The following SEC24B variants were observed in gnomAD, a reference collection of about 807,000 sequenced individuals.
The protein encoded by SEC24B is SEC24 homolog B, COPII component, also known as protein transport protein Sec24B.
Under a neutral mutation model 142.8 loss-of-function variants are expected in SEC24B, and 45 were observed. The ratio of observed to expected loss-of-function variants is 0.32; its 90% confidence interval spans 0.25 to 0.40. The LOEUF (loss-of-function observed/expected upper bound fraction) is 0.40, where lower values mean the gene tolerates loss of function less well. Among genes scored for constraint, SEC24B ranks in the 10% least tolerant of loss-of-function variants. SEC24B has a pLI of 1.00. For synonymous variants in SEC24B, 574 were observed against 568.2 expected (o/e 1.01, Z -0.15); for missense variants, 1,409 against 1,526.8 (o/e 0.92, Z 1.29).
chr4:109,441,918 A>G (rs1728965345), intron 1 of SEC24B, among the ~76,000 whole-genome samples: 1 of 152,226 alleles, frequency 6.6e-6, no homozygotes, highest in South Asian at 2.1e-4. Flanking sequence ...TATGGAATGT[A>G]GGAGAGAAAG....
At chr4:109,440,806 G>C (rs1728864753) in intron 1 of SEC24B, among the ~76,000 whole-genome samples, 1 of 152,182 alleles carries the variant, frequency 6.6e-6, no homozygotes, top group East Asian at 1.9e-4. Context: ...TAGGCACTCA[G>C]TTAAGTGAAC....
rs576975989 is a variant in SEC24B, at chr4:109,496,463, C to T, written c.1488+1607C>T. On this transcript the variant is annotated intron_variant, in intron 6 of 23. Transcript: ENST00000265175. ...GTATTGCTACTTACAGAAAACTGTTCTCAGTTGACTAACCTTATAGAAATT... is the reference window on the plus strand; with the variant it reads ...GTATTGCTACTTACAGAAAACTGTTTTCAGTTGACTAACCTTATAGAAATT... 1.5e-4 allele frequency among the ~76,000 whole-genome samples: 23 copies of T among 151,920 alleles called. No individual in the cohort carries two copies. In the East Asian group the frequency reaches 4.2e-3, roughly 28 times the overall value.
In SEC24B at chr4:109,506,401, GC is replaced by G. The variant is rs774826655; in HGVS notation, c.1564del (p.Leu522Ter). On this transcript the variant is annotated frameshift_variant, in exon 7 of 24. Coordinates refer to ENST00000265175, the MANE Select transcript of SEC24B (RefSeq NM_006323.5). LOFTEE classifies it high-confidence loss of function. ...LSLQSSPQPESLRPVNLTQER... is the reference protein window; with the variant it reads ...LSLQSSPQPEXLRPVNLTQER... ...CTTCAGAGTTCTCCACAACCAGAAA[GC>G]CTGAGACCTGTAAACCTTACTCAGG... 1 of 1,611,072 alleles carries G rather than the reference GC, an allele frequency of 6.2e-7. No individual in the cohort carries two copies. The highest frequency in any genetic ancestry group is 8.5e-7 in the Non-Finnish European group (1 of 1,178,310).
chr4:109,504,576 G>A (rs1578922629), intron 6 of SEC24B, among the ~76,000 whole-genome samples: 1 of 151,904 alleles, frequency 6.6e-6, no homozygotes, highest in Admixed American at 6.6e-5. Context: ...TTATATTTAG[G>A]TGTATTACTT....
Position 109,433,895 on chromosome 4 carries a change from ACCCGGCCGCCAGCGCCCGGAT to A in SEC24B, c.31_51del (p.Ala11_Pro17del). 7.5e-7 allele frequency: 1 copy of A among 1,335,146 alleles called. No individual in the cohort carries two copies. The highest frequency in any genetic ancestry group is 9.6e-7 in the Non-Finnish European group (1 of 1,039,348). 82.7% of individuals were successfully genotyped at this position (1,335,146 alleles called of 1,614,324 possible). A position where few individuals can be genotyped will look rare whatever the true frequency, so the allele number is the denominator to read the frequency against. On this transcript the variant is annotated inframe_deletion, in exon 1 of 24. Coordinates refer to ENST00000265175, the MANE Select transcript of SEC24B (RefSeq NM_006323.5). ...ATGTCGGCCCCCGCCGGGTCCTCTC[ACCCGGCCGCCAGCGCCCGGAT>A]CCCGCCCAAGTTCGGCGGAGCGGCC...
At chr4:109,463,820 A>G (rs2125934862) in intron 2 of SEC24B, among the ~76,000 whole-genome samples, 176 bp downstream of exon 2, 1 of 152,234 alleles carries the variant, frequency 6.6e-6, no homozygotes, top group African/African-American at 2.4e-5. Flanking sequence ...TCCATTCCCA[A>G]TTAGCCACCC....
At chr4:109,513,205 C>G (rs929539920) in intron 9 of SEC24B, among the ~76,000 whole-genome samples, 1 of 151,484 alleles carries the variant, frequency 6.6e-6, no homozygotes, top group Non-Finnish European at 1.5e-5. Context: ...GAACTCCTGA[C>G]CTCGTGATCT....
intron 1 of SEC24B, among the ~76,000 whole-genome samples, chr4:109,435,934 G>A (rs1415225730): frequency 6.6e-6 from 1 of 152,168 alleles, no homozygotes; most frequent in African/African-American, 2.4e-5. Flanking sequence ...ATGAACTAAA[G>A]TTTGGAAATA....
At chr4:109,536,985 A>T (rs1053026465) in intron 22 of SEC24B, among the ~76,000 whole-genome samples, 19 of 152,150 alleles carry the variant, frequency 1.2e-4, no homozygotes, top group Non-Finnish European at 5.9e-5. Flanking sequence ...AAATCTTAAG[A>T]TTATCTGTAA....
At position 109,501,595 on chromosome 4, in the gene SEC24B, C is replaced by T. The variant is rs62326015; in HGVS notation, c.1489-4733C>T. 5.1e-3 allele frequency among the ~76,000 whole-genome samples: 779 copies of T among 152,268 alleles called. 7 individuals carry two copies. Among genetic ancestry groups the T allele is most frequent in the African/African-American group, 7.8e-3 (324 of 41,546 alleles). ...AAGCAATTCTCTTGCCTCAGCCTCC[C>T]GAGTAACTGGGATTATAGGCGTGTG... On this transcript the variant is annotated intron_variant, in intron 6 of 23. Transcript: ENST00000265175.
At chr4:109,495,781 C>A (rs1159589480) in intron 6 of SEC24B, among the ~76,000 whole-genome samples, 1 of 152,150 alleles carries the variant, frequency 6.6e-6, no homozygotes, top group Non-Finnish European at 1.5e-5. Flanking sequence ...CTAGTTCCTG[C>A]CAGCATTCAC....
intron 1 of SEC24B, chr4:109,449,478 C>T (rs749807767): frequency 3.7e-5 from 17 of 454,392 alleles, no homozygotes; most frequent in Non-Finnish European, 7.1e-5. Flanking sequence ...GCAATCTGCC[C>T]GCCTCGGCCT....
chr4:109,511,071 A>T (rs1333140040), intron 8 of SEC24B, among the ~76,000 whole-genome samples: 1 of 151,964 alleles, frequency 6.6e-6, no homozygotes, highest in African/African-American at 2.4e-5. Flanking sequence ...TAATACTCTG[A>T]AAACCTTATC....
intron 1 of SEC24B, among the ~76,000 whole-genome samples, chr4:109,438,740 A>G (rs1181111068): frequency 2.0e-5 from 3 of 152,202 alleles, no homozygotes; most frequent in Non-Finnish European, 4.4e-5. Context: ...TGTTTCCTCC[A>G]CTTATTCGAA....
At chr4:109,491,221 AG>A (rs1238984687) in intron 4 of SEC24B, 105 bp from the exon 5 acceptor site, 3 of 772,108 alleles carry the variant, frequency 3.9e-6, no homozygotes, top group Non-Finnish European at 6.5e-6. Flanking sequence ...TACTAGAATC[AG>A]GAATTTTCCT....
At chr4:109,502,803 T>C (rs928326461) in intron 6 of SEC24B, among the ~76,000 whole-genome samples, 2 of 152,228 alleles carry the variant, frequency 1.3e-5, no homozygotes, top group African/African-American at 4.8e-5. Context: ...TTTCTCTATA[T>C]TGTGAAGTAC....
At position 109,497,542 on chromosome 4, in the gene SEC24B, C is replaced by T. The variant is rs143255614; in HGVS notation, c.1488+2686C>T. Among the ~76,000 whole-genome samples, 87 of 147,388 alleles carry T rather than the reference C, an allele frequency of 5.9e-4. 1 individual carries two copies. The East Asian group carries it at 0.012, about 21-fold the overall frequency. On this transcript the variant is annotated intron_variant, in intron 6 of 23. Transcript: ENST00000265175. ...TAGAAGTAGACTATTAGAAAGCAACCATTCCCACCTTTCTTTTTTTTTTTT... is the reference window on the plus strand; with the variant it reads ...TAGAAGTAGACTATTAGAAAGCAACTATTCCCACCTTTCTTTTTTTTTTTT...
intron 2 of SEC24B, among the ~76,000 whole-genome samples, chr4:109,464,786 C>T (rs1731683259): frequency 6.6e-6 from 1 of 152,130 alleles, no homozygotes; most frequent in African/African-American, 2.4e-5. Flanking sequence ...ATATTAGACC[C>T]AAGCTGTACA....
intron 2 of SEC24B, among the ~76,000 whole-genome samples, chr4:109,465,235 GTGTC>G (rs1731734844): frequency 6.6e-6 from 1 of 152,192 alleles, no homozygotes; most frequent in African/African-American, 2.4e-5. Context: ...TCAACTCAAA[GTGTC>G]TGTCACAGTT....
Sources: gnomAD v4.1 joint callset for allele counts (sites outside exome capture counted in the v4.1 genomes callset) on GRCh38, gnomAD v4.1.1 for gene constraint, MANE v1.5 for transcripts, NCBI Gene and HGNC (gene_info 2026-07-23, HGNC 2026-07-21) for gene names.